SGCZ: variants seen among roughly 807,000 people sequenced by gnomAD.
The protein encoded by SGCZ is sarcoglycan zeta.
Under a neutral mutation model 41.3 loss-of-function variants are expected in SGCZ, and 40 were observed. The ratio of observed to expected loss-of-function variants is 0.97; its 90% CI spans 0.75 to 1.26. SGCZ has a LOEUF of 1.26. Ranked by LOEUF, SGCZ falls within the 50% of genes most tolerant of loss-of-function variation. The probability of loss-of-function intolerance (pLI) is 0.00; values close to 1 mark genes in which losing one functional copy is unlikely to be tolerated. For synonymous variants in SGCZ, 206 were observed against 137.5 expected (o/e 1.50, Z -3.49); for missense variants, 552 against 369.8 (o/e 1.49, Z -4.04).
rs148383044 is a variant in SGCZ at position 15,041,415 on chromosome 8, CTA to C, written c.39+196168_39+196169del. Among the ~76,000 whole-genome samples, 809 of 151,714 alleles carry C rather than the reference CTA, an allele frequency of 5.3e-3. 8 individuals carry two copies. The highest frequency in any genetic ancestry group is 0.019 in the African/African-American group (769 of 41,402). On this transcript the variant is annotated intron_variant, in intron 1 of 7. Transcript: ENST00000382080. ...GTCCTTTTGATACCATATGAAAAGT[CTA>C]TGTTTTGCAATAAAGATGAATATTA...
intron 1 of SGCZ, among the ~76,000 whole-genome samples, chr8:14,806,748 T>C (rs1222623030): frequency 6.6e-6 from 1 of 152,204 alleles, no homozygotes; most frequent in Non-Finnish European, 1.5e-5. Flanking sequence ...AGCATCATTC[T>C]GATACCAAAG....
intron 1 of SGCZ, among the ~76,000 whole-genome samples, chr8:14,964,185 C>T (rs1041213013): frequency 2.0e-5 from 3 of 152,182 alleles, no homozygotes; most frequent in African/African-American, 7.2e-5. Flanking sequence ...TGCTAGATCA[C>T]TTCTTCAAAC....
chr8:14,952,874 G>C (rs1800683736), intron 1 of SGCZ, among the ~76,000 whole-genome samples: 1 of 152,152 alleles, frequency 6.6e-6, no homozygotes, highest in Admixed American at 6.6e-5. Context: ...ACACCTTACT[G>C]TGTGCTGGAA....
intron 2 of SGCZ, among the ~76,000 whole-genome samples, chr8:14,459,367 T>C (rs951552209): frequency 6.6e-6 from 1 of 151,716 alleles, no homozygotes; most frequent in African/African-American, 2.4e-5. Context: ...TGTATACATA[T>C]GTAACAAACC....
At chr8:14,411,933 G>A (rs1799371269) in intron 2 of SGCZ, among the ~76,000 whole-genome samples, 1 of 152,058 alleles carries the variant, frequency 6.6e-6, no homozygotes, top group Non-Finnish European at 1.5e-5. Flanking sequence ...GCTGAAGGAG[G>A]CTGACAGGAA....
chr8:14,113,405 C>T (rs1371978582), intron 5 of SGCZ, among the ~76,000 whole-genome samples: 1 of 152,000 alleles, frequency 6.6e-6, no homozygotes, highest in Non-Finnish European at 1.5e-5. Context: ...TTAATTATAA[C>T]AGTTGCTTAC....
intron 1 of SGCZ, among the ~76,000 whole-genome samples, chr8:15,209,388 A>G (rs1449187103): frequency 1.0e-5 from 1 of 98,544 alleles, no homozygotes; most frequent in Non-Finnish European, 2.2e-5. Flanking sequence ...CCCATGCTCA[A>G]TTTTCACATT....
intron 4 of SGCZ, among the ~76,000 whole-genome samples, chr8:14,168,079 C>A (rs1367282161): frequency 6.6e-6 from 1 of 152,118 alleles, no homozygotes; most frequent in Non-Finnish European, 1.5e-5. Context: ...TTGTCATGAT[C>A]ATCCTTTCTT....
chr8:14,996,060 C>A (rs906659538), intron 1 of SGCZ, among the ~76,000 whole-genome samples: 2 of 151,818 alleles, frequency 1.3e-5, no homozygotes, highest in East Asian at 3.9e-4. Context: ...CCCGCCACCA[C>A]GCCCAGCTAA....
chr8:14,927,471 T>C (rs893598637), intron 1 of SGCZ, among the ~76,000 whole-genome samples: 1 of 151,864 alleles, frequency 6.6e-6, no homozygotes, highest in Non-Finnish European at 1.5e-5. Flanking sequence ...ACTTATGAGA[T>C]ACAAAGTGTA....
chr8:14,180,764 T>C (rs891114984), intron 4 of SGCZ, among the ~76,000 whole-genome samples: 1 of 151,964 alleles, frequency 6.6e-6, no homozygotes, highest in Non-Finnish European at 1.5e-5. Context: ...CTCCAAGCCA[T>C]GCTCCTGAAG....
chr8:14,766,356 T>C (rs1047620926), intron 1 of SGCZ, among the ~76,000 whole-genome samples: 4 of 152,132 alleles, frequency 2.6e-5, no homozygotes, highest in Non-Finnish European at 5.9e-5. Context: ...CCAGATTGTA[T>C]ATAATTCTGG....
At chr8:14,595,715 T>C (rs1196019336) in intron 1 of SGCZ, among the ~76,000 whole-genome samples, 1 of 152,188 alleles carries the variant, frequency 6.6e-6, no homozygotes, top group Non-Finnish European at 1.5e-5. Context: ...CTTGGTAGAA[T>C]GCCTTCAGGG....
chr8:14,377,225 T>C (rs1377360985), intron 2 of SGCZ, among the ~76,000 whole-genome samples: 1 of 152,194 alleles, frequency 6.6e-6, no homozygotes, highest in African/African-American at 2.4e-5. Context: ...TAATCAATCA[T>C]GCTTCCTAAT....
intron 1 of SGCZ, among the ~76,000 whole-genome samples, chr8:15,228,330 G>A (rs1435675913): frequency 6.6e-6 from 1 of 152,056 alleles, no homozygotes; most frequent in East Asian, 1.9e-4. Flanking sequence ...ATTTCTCCCA[G>A]GGATGATTTA....
chr8:14,177,053 T>C (rs1804564236), intron 4 of SGCZ, among the ~76,000 whole-genome samples: 1 of 152,038 alleles, frequency 6.6e-6, no homozygotes, highest in African/African-American at 2.4e-5. Flanking sequence ...CAGACAAGGA[T>C]CGTAGAGAGT....
Position 14,795,429 on chromosome 8 carries a change from T to G in SGCZ, c.40-240503A>C, listed in dbSNP as rs971603649. On this transcript the variant is annotated intron_variant, in intron 1 of 7. Coordinates refer to ENST00000382080, the MANE Select transcript of SGCZ (RefSeq NM_139167.4). The stretch of plus-strand genomic sequence containing the variant: ...GAGTAAATATATTCATACTTTGGGG[T>G]TTTTTTTTCATTTGTTTGTTTTTGT... Among the ~76,000 whole-genome samples the G allele has an allele frequency of 2.9e-4, 19 of 65,252 alleles. No homozygotes were observed. The East Asian group carries it at 0.011, about 38-fold the overall frequency. The allele number at this position is 65,252 out of a possible 152,430, so 42.8% of individuals were successfully genotyped here. A position where few individuals can be genotyped will look rare whatever the true frequency, so the allele number is the denominator to read the frequency against.
intron 4 of SGCZ, among the ~76,000 whole-genome samples, chr8:14,181,704 C>G (rs1250867694): frequency 6.6e-6 from 1 of 152,176 alleles, no homozygotes; most frequent in African/African-American, 2.4e-5. Context: ...GCGCTCTTGC[C>G]TGCTGCTATG....
At chr8:14,589,191 A>G (rs760209564) in intron 1 of SGCZ, among the ~76,000 whole-genome samples, 12 of 151,928 alleles carry the variant, frequency 7.9e-5, no homozygotes, top group Non-Finnish European at 1.5e-5. Flanking sequence ...AATATAATAA[A>G]AAAAACGAGC....
Sources: gnomAD v4.1 joint callset for allele counts (sites outside exome capture counted in the v4.1 genomes callset) on GRCh38, gnomAD v4.1.1 for gene constraint, MANE v1.5 for transcripts, NCBI Gene and HGNC (gene_info 2026-07-23, HGNC 2026-07-21) for gene names.